Variants in WNK1 observed in about 807,000 individuals in gnomAD.
The protein encoded by WNK1 is serine/threonine-protein kinase WNK1.
Under a neutral mutation model 222.8 loss-of-function variants are expected in WNK1, and 38 were observed. The ratio of observed to expected loss-of-function variants is 0.17; its 90% CI spans 0.13 to 0.22. The LOEUF is 0.22. Ranked by LOEUF, WNK1 falls within the 10% of genes least tolerant of loss-of-function variation. The probability of loss-of-function intolerance (pLI) is 1.00; values close to 1 mark genes in which losing one functional copy is unlikely to be tolerated. For missense variants in WNK1, 2,348 were observed against 2,918.4 expected, an observed-to-expected ratio of 0.80 and a Z score of 4.50; for synonymous variants, 1,090 against 1,092.9, an observed-to-expected ratio of 1.00 and a Z score of 0.05.
chr12:863,448 G>A (rs1187333128), intron 8 of WNK1, among the ~76,000 whole-genome samples: 1 of 152,022 alleles, frequency 6.6e-6, no homozygotes, highest in African/African-American at 2.4e-5. Flanking sequence ...AGACTGCACA[G>A]AAAATATATT....
chr12:891,390 G>C (rs1224741191), intron 22 of WNK1, among the ~76,000 whole-genome samples: 4 of 152,078 alleles, frequency 2.6e-5, no homozygotes, highest in Non-Finnish European at 5.9e-5. Flanking sequence ...TGCCCGCCTC[G>C]GCCTCCCAGA....
intron 2 of WNK1, among the ~76,000 whole-genome samples, chr12:821,445 A>G (rs1947872159): frequency 6.6e-6 from 1 of 152,246 alleles, no homozygotes; most frequent in Non-Finnish European, 1.5e-5. Flanking sequence ...GAAGCCATCC[A>G]GTCCTAGACT....
chr12:763,808 A>G (rs1161633001), intron 1 of WNK1, among the ~76,000 whole-genome samples: 1 of 147,296 alleles, frequency 6.8e-6, no homozygotes, highest in Non-Finnish European at 1.5e-5. Flanking sequence ...TTTAGTGATT[A>G]ATTGGTGTTT....
At chr12:818,319 G>C (rs1022281448) in intron 2 of WNK1, among the ~76,000 whole-genome samples, 1 of 152,166 alleles carries the variant, frequency 6.6e-6, no homozygotes, top group Non-Finnish European at 1.5e-5. Flanking sequence ...AGTAGAAAGA[G>C]CATTAGACTT....
Position 862,283 on chromosome 12 carries a change from T to C in WNK1, c.2139+13T>C. 6.2e-7 allele frequency: 1 copy of C among 1,613,690 alleles called. No individual in the cohort carries two copies. The highest frequency in any genetic ancestry group is 2.2e-5 in the East Asian group (1 of 44,886). ...ACCCTCAAGTGTGGTAAGTAAATGC[T>C]TAAGAGCATGTAATACTACAATGAG... is the stretch of plus-strand genomic sequence containing the variant. On this transcript the variant is annotated intron_variant, in intron 8 of 27. Coordinates refer to ENST00000315939, the MANE Select transcript of WNK1 (RefSeq NM_018979.4).
At chr12:865,453 A>G (rs1005723873) in intron 8 of WNK1, 2 of 1,441,120 alleles carry the variant, frequency 1.4e-6, no homozygotes, top group African/African-American at 2.8e-5. Context: ...TTGAATAAAG[A>G]ACAGGACTAA....
chr12:857,899 C>G (rs1347993759), intron 5 of WNK1, among the ~76,000 whole-genome samples: 1 of 152,068 alleles, frequency 6.6e-6, no homozygotes, highest in East Asian at 1.9e-4. Context: ...CCCCTTCCAT[C>G]CTCCAAAAAA....
chr12:813,846 A>G, intron 2 of WNK1, 32 bp downstream of exon 2: 3 of 1,608,426 alleles, frequency 1.9e-6, no homozygotes, highest in Non-Finnish European at 2.5e-6. Flanking sequence ...AAGCTGACCA[A>G]GAAGTATGAG....
chr12:875,894 TATCTC>T (rs1299167914), intron 9 of WNK1, among the ~76,000 whole-genome samples: 22 of 152,366 alleles, frequency 1.4e-4, no homozygotes, highest in African/African-American at 2.6e-4. Context: ...TAATTATAGA[TATCTC>T]ATTCACATTC....
chr12:817,471 A>C (rs1947452022), intron 2 of WNK1, among the ~76,000 whole-genome samples: 1 of 152,254 alleles, frequency 6.6e-6, no homozygotes. Flanking sequence ...AGAATGGATA[A>C]CTAGGACCAT....
chr12:843,712 G>C (rs1193961604), intron 4 of WNK1, among the ~76,000 whole-genome samples: 1 of 152,204 alleles, frequency 6.6e-6, no homozygotes, highest in Non-Finnish European at 1.5e-5. Flanking sequence ...GAGAACCACA[G>C]TTTTAGCAAA....
intron 1 of WNK1, among the ~76,000 whole-genome samples, chr12:798,736 T>G (rs1360530323): frequency 6.6e-6 from 1 of 152,188 alleles, no homozygotes; most frequent in African/African-American, 2.4e-5. Flanking sequence ...AAACTTTGCC[T>G]CCACATATGA....
chr12:790,278 T>C, intron 1 of WNK1, among the ~76,000 whole-genome samples: 1 of 152,176 alleles, frequency 6.6e-6, no homozygotes, highest in Admixed American at 6.5e-5. Context: ...TACATTTTGT[T>C]TTTTACTTAG....
At chr12:889,352 A>C in intron 21 of WNK1, 129 bp downstream of exon 21, 1 of 801,712 alleles carries the variant, frequency 1.2e-6, no homozygotes, top group Non-Finnish European at 2.1e-6. Flanking sequence ...TATTCTAGCC[A>C]AAAGAAATGA....
At chr12:829,929 T>G (rs772276680) in intron 3 of WNK1, 74 bp from the exon 4 acceptor site, 53 of 1,547,848 alleles carry the variant, frequency 3.4e-5, no homozygotes, top group Non-Finnish European at 4.7e-5. Flanking sequence ...GGTCAACCCC[T>G]CTGCTTCTCA....
At position 879,655 on chromosome 12, in the gene WNK1, A is replaced by G. The variant is rs759942938; in HGVS notation, c.2456A>G (p.His819Arg). 3 of 1,609,418 alleles carry G rather than the reference A, an allele frequency of 1.9e-6. No individual in the cohort carries two copies. The highest frequency in any genetic ancestry group is 2.2e-5 in the East Asian group (1 of 44,728). Residue 819 changes from histidine to arginine, a missense_variant, in exon 11 of 28, where the codon CAC becomes CGC. Physicochemically the swap from His to Arg is conservative, Grantham distance 29 (BLOSUM62 0). This residue lies in a region of WNK1 where 547 missense variants were observed against 558.3 expected (regional missense o/e 0.98). Coordinates refer to ENST00000315939, the MANE Select transcript of WNK1 (RefSeq NM_018979.4). Reference sequence around the variant, plus strand: ...ACACAACCCTCGGTTGTTCCAGTCCACTCTGGTGCTCATTTCCTTCCAGTG... The same window carrying G: ...ACACAACCCTCGGTTGTTCCAGTCCGCTCTGGTGCTCATTTCCTTCCAGTG... ...VATQPSVVPV[H>R]SGAHFLPVGQ...
intron 1 of WNK1, among the ~76,000 whole-genome samples, chr12:759,392 G>A (rs918199065): frequency 1.2e-4 from 17 of 147,070 alleles, no homozygotes; most frequent in African/African-American, 4.1e-4. Context: ...GTACAGTGGC[G>A]CGATCTCGGC....
intron 8 of WNK1, among the ~76,000 whole-genome samples, chr12:869,734 A>G (rs1296019838): frequency 6.6e-6 from 1 of 152,114 alleles, no homozygotes; most frequent in Non-Finnish European, 1.5e-5. Context: ...GCATTATTAT[A>G]TGTCCAAATA....
chr12:770,595 G>A (rs1942357412), intron 1 of WNK1, among the ~76,000 whole-genome samples: 1 of 152,106 alleles, frequency 6.6e-6, no homozygotes, highest in Non-Finnish European at 1.5e-5. Flanking sequence ...TGATGCTACA[G>A]CAAATTTACT....
Sources: allele counts gnomAD v4.1 joint callset (sites outside exome capture counted in the v4.1 genomes callset), GRCh38; gene constraint gnomAD v4.1.1; regional missense constraint gnomAD v4.1.1; transcripts MANE v1.5; gene names NCBI Gene and HGNC (gene_info 2026-07-23, HGNC 2026-07-21).